The following SOX30 variants were observed in gnomAD, a reference collection of about 807,000 sequenced individuals.
SOX30 encodes the protein SRY-box transcription factor 30.
Under a neutral mutation model 58.6 loss-of-function variants are expected in SOX30, and 17 were observed. The observed-to-expected ratio is 0.29, with a 90% CI of 0.20 to 0.44. The LOEUF (loss-of-function observed/expected upper bound fraction) is 0.44, where lower values mean the gene tolerates loss of function less well. Among genes scored for constraint, SOX30 ranks in the 20% least tolerant of loss-of-function variants. The pLI is 1.00. For missense variants in SOX30, 951 were observed against 965.8 expected, an observed-to-expected ratio of 0.98 and a Z score of 0.20; for synonymous variants, 421 against 400.2, an observed-to-expected ratio of 1.05 and a Z score of -0.62.
upstream of SOX30, among the ~76,000 whole-genome samples, chr5:157,654,349 C>T (rs544123541): frequency 6.6e-6 from 1 of 152,240 alleles, no homozygotes; most frequent in Non-Finnish European, 1.5e-5. Context: ...TTTTCCCCAC[C>T]TTATGCTCAC....
chr5:157,632,616 G>C lies in SOX30; in HGVS notation c.1880+5614C>G, dbSNP rs577772538. ...AAAGAGCGAAACTCCATCTCAAAAA[G>C]AAAAAGAAATGTCTGCATCCAGTGG... On this transcript the variant is annotated intron_variant, in intron 4 of 4. Coordinates refer to ENST00000265007, the MANE Select transcript of SOX30 (RefSeq NM_178424.2). 2.0e-5 allele frequency among the ~76,000 whole-genome samples: 3 copies of C among 152,186 alleles called. No homozygotes were observed. In the South Asian group the frequency reaches 6.2e-4, roughly 32 times the overall value.
chr5:157,651,712 G>A lies in SOX30; in HGVS notation c.367C>T (p.Pro123Ser), dbSNP rs182220520. The A allele has an allele frequency of 1.6e-5, 25 of 1,581,044 alleles. No homozygotes were observed. Among genetic ancestry groups the A allele is most frequent in the East Asian group, 2.3e-5 (1 of 42,862 alleles). Residue 123 changes from proline to serine, a missense_variant, in exon 1 of 5, where the codon CCC (proline) becomes TCC (serine). Coordinates refer to ENST00000265007, the MANE Select transcript of SOX30 (RefSeq NM_178424.2). ...AGGGGCTGCACCGGGTGCAACTCGG[G>A]CCTGGAGGTGGCGCCGTCTGACGCT... Reference protein sequence around the residue: ...PTASDGATSRPELHPVQPLAL... With the variant: ...PTASDGATSRSELHPVQPLAL...
Position 157,651,947 on chromosome 5 carries a change from G to T in SOX30, c.132C>A (p.Ser44Arg), listed in dbSNP as rs1404031548. The T allele has an allele frequency of 1.3e-6, 2 of 1,490,432 alleles. No homozygotes were observed. The highest frequency in any genetic ancestry group is 8.9e-7 in the Non-Finnish European group (1 of 1,124,866). The allele number at this position is 1,490,432 out of a possible 1,614,324, so 92.3% of individuals were successfully genotyped here. ...AGGCCAAGGTCGCACTGGCTGCCGC[G>T]CTCAGTGTGGGAGACGACGGAGGGG... ...MEPPPSSPTL[S>R]AAASATLASS... Residue 44 changes from serine (S) to arginine (R), a missense_variant, in exon 1 of 5, where the codon AGC becomes AGA. Ser to Arg is a moderately radical substitution (Grantham distance 110). This residue lies in a region of SOX30 where 363 missense variants were observed against 294.5 expected (regional missense o/e 1.23). Coordinates refer to ENST00000265007, the MANE Select transcript of SOX30 (RefSeq NM_178424.2).
chr5:157,656,716 G>T (rs893754259), upstream of SOX30, among the ~76,000 whole-genome samples: 15 of 152,094 alleles, frequency 9.9e-5, no homozygotes, highest in African/African-American at 3.6e-4. Context: ...ATGTGTTTTT[G>T]GTAAAAGATC....
chr5:157,633,054 C>A (rs774056565), intron 4 of SOX30, among the ~76,000 whole-genome samples: 2 of 152,018 alleles, frequency 1.3e-5, no homozygotes, highest in Non-Finnish European at 2.9e-5. Flanking sequence ...GCAGACAGAG[C>A]AAGACTCTCA....
intron 1 of SOX30, among the ~76,000 whole-genome samples, chr5:157,669,039 C>T (rs1264203027): frequency 6.6e-6 from 1 of 152,110 alleles, no homozygotes; most frequent in African/African-American, 2.4e-5. Context: ...GGTCACAAGG[C>T]CAAAAGGTGC....
At chr5:157,645,603 A>T (rs1227743192) in intron 3 of SOX30, among the ~76,000 whole-genome samples, 2 of 151,816 alleles carry the variant, frequency 1.3e-5, no homozygotes, top group Non-Finnish European at 1.5e-5. Context: ...GCAAGGCTGC[A>T]GTGACCTGTG....
chr5:157,631,197 C>T (rs1412728182), intron 4 of SOX30, among the ~76,000 whole-genome samples: 1 of 150,744 alleles, frequency 6.6e-6, no homozygotes, highest in Non-Finnish European at 1.5e-5. Context: ...AATCTTCCTG[C>T]CTCAGCCTCC....
At chr5:157,630,507 G>A (rs1344637334) in intron 4 of SOX30, among the ~76,000 whole-genome samples, 2 of 152,026 alleles carry the variant, frequency 1.3e-5, no homozygotes, top group African/African-American at 4.8e-5. Context: ...GAGTATTTTT[G>A]TAAAGACCGT....
chr5:157,654,763 C>T (rs993979908), upstream of SOX30, among the ~76,000 whole-genome samples: 13 of 152,168 alleles, frequency 8.5e-5, no homozygotes, highest in Non-Finnish European at 1.8e-4. Flanking sequence ...TGAGAATTAC[C>T]TCTTGTCATC....
rs1758647535 is a variant in SOX30 at position 157,626,225 on chromosome 5, C to T, written c.*115G>A. 2.0e-6 allele frequency: 2 copies of T among 981,512 alleles called. No homozygotes were observed. The highest frequency in any genetic ancestry group is 2.9e-6 in the Non-Finnish European group (2 of 699,276). The allele number at this position is 981,512 out of a possible 1,614,324, so 60.8% of individuals were successfully genotyped here. A position where few individuals can be genotyped will look rare whatever the true frequency, so the allele number is the denominator to read the frequency against. The stretch of plus-strand genomic sequence containing the variant: ...TAAATTGCATTTGGTTTTAACTCCT[C>T]AAATCACGACTGAAAACTTTCAACA... On this transcript the variant is annotated 3_prime_UTR_variant, in exon 5 of 5. Transcript: ENST00000265007.
intron 1 of SOX30, among the ~76,000 whole-genome samples, chr5:157,649,974 G>C (rs896440282): frequency 6.6e-6 from 1 of 152,106 alleles, no homozygotes; most frequent in Non-Finnish European, 1.5e-5. Context: ...TCAGTACTTT[G>C]GGAGGCCAAG....
At chr5:157,650,542 T>C (rs1759302457) in intron 1 of SOX30, among the ~76,000 whole-genome samples, 2 of 152,226 alleles carry the variant, frequency 1.3e-5, no homozygotes, top group Admixed American at 1.3e-4. Context: ...TTATGGCTCA[T>C]TCTACTGTAT....
chr5:157,647,312 C>T (rs749581937), intron 2 of SOX30, among the ~76,000 whole-genome samples: 4 of 151,920 alleles, frequency 2.6e-5, no homozygotes, highest in African/African-American at 7.3e-5. Context: ...CCGCCCGTCT[C>T]GGCCTCCCAA....
intron 1 of SOX30, among the ~76,000 whole-genome samples, chr5:157,668,203 C>T (rs970847070): frequency 4.6e-5 from 7 of 152,324 alleles, no homozygotes; most frequent in Admixed American, 2.0e-4. Flanking sequence ...TCTTCTCCTA[C>T]GGCTGTAGCT....
chr5:157,640,778 G>A (rs1188631334), intron 3 of SOX30, among the ~76,000 whole-genome samples: 2 of 152,114 alleles, frequency 1.3e-5, no homozygotes, highest in Non-Finnish European at 2.9e-5. Context: ...TCCGCCCAGG[G>A]AGATTTTCTG....
intron 3 of SOX30, among the ~76,000 whole-genome samples, chr5:157,639,419 T>C (rs535301058): frequency 6.6e-6 from 1 of 151,788 alleles, no homozygotes; most frequent in Non-Finnish European, 1.5e-5. Context: ...TGAAAAAAAC[T>C]TAAACAACAA....
At chr5:157,633,261 G>C (rs545012958) in intron 4 of SOX30, among the ~76,000 whole-genome samples, 39 of 152,124 alleles carry the variant, frequency 2.6e-4, no homozygotes, top group Non-Finnish European at 5.9e-5. Context: ...ATCACAATTT[G>C]TTGCCAAGAC....
intron 3 of SOX30, among the ~76,000 whole-genome samples, chr5:157,643,465 C>T (rs1759119046): frequency 6.6e-6 from 1 of 151,806 alleles, no homozygotes; most frequent in Non-Finnish European, 1.5e-5. Flanking sequence ...TTTAAAAAAC[C>T]TCAAGGGTGG....
Sources: allele counts gnomAD v4.1 joint callset (sites outside exome capture counted in the v4.1 genomes callset), GRCh38; gene constraint gnomAD v4.1.1; regional missense constraint gnomAD v4.1.1; transcripts MANE v1.5; gene names NCBI Gene and HGNC (gene_info 2026-07-23, HGNC 2026-07-21).